Variants in CCDC178 observed in about 807,000 individuals in gnomAD.
The protein encoded by CCDC178 is coiled-coil domain containing 178.
A neutral mutation model predicts 117.4 loss-of-function variants in CCDC178; 126 were observed. The observed-to-expected ratio is 1.07, with a 90% CI of 0.93 to 1.24. The LOEUF (loss-of-function observed/expected upper bound fraction) is 1.24, where lower values mean the gene tolerates loss of function less well. Ranked by LOEUF, CCDC178 falls within the 50% of genes most tolerant of loss-of-function variation. The pLI is 0.00. For missense variants in CCDC178, 1,030 were observed against 986.9 expected (o/e 1.04, Z -0.59); for synonymous variants, 283 against 313.4 (o/e 0.90, Z 1.02).
chr18:32,997,605 T>C (rs777626259), intron 21 of CCDC178, among the ~76,000 whole-genome samples: 4 of 150,678 alleles, frequency 2.7e-5, no homozygotes, highest in Non-Finnish European at 5.9e-5. Context: ...ATAAAGTGTA[T>C]GTGTGTGTGT....
chr18:33,269,059 C>A (rs1036009873), intron 12 of CCDC178, among the ~76,000 whole-genome samples: 5 of 151,570 alleles, frequency 3.3e-5, no homozygotes, highest in African/African-American at 1.2e-4. Flanking sequence ...GCCTCGTTCT[C>A]AAAAAAATTG....
rs148591523 is a variant in CCDC178 at position 33,260,054 on chromosome 18, C to CAT, written c.1409+6860_1409+6861dup. Among the ~76,000 whole-genome samples the CAT allele has an allele frequency of 5.5e-3, 833 of 150,660 alleles. 9 individuals carry two copies. The highest frequency in any genetic ancestry group is 6.9e-3 in the Middle Eastern group (2 of 290). On this transcript the variant is annotated intron_variant, in intron 14 of 22. Coordinates refer to ENST00000383096, the MANE Select transcript of CCDC178 (RefSeq NM_001105528.4). The stretch of plus-strand genomic sequence containing the variant: ...ACCCTCATTCAGAAAAAAAAATACA[C>CAT]ATATATATATATATTACACATGGCC...
Position 33,035,498 on chromosome 18 carries a change from T to A in CCDC178, c.2388+57263A>T, listed in dbSNP as rs113390014. On this transcript the variant is annotated intron_variant, in intron 21 of 22. Transcript: ENST00000383096. ...TGAATCTTGAAAACATTATGCTAAG[T>A]GAAATAAGCCAGATTAAAATAAACA... Among the ~76,000 whole-genome samples, 292 of 152,068 alleles carry A rather than the reference T, an allele frequency of 1.9e-3. 4 individuals are homozygous for A. Among genetic ancestry groups the A allele is most frequent in the African/African-American group, 6.7e-3 (280 of 41,528 alleles).
At chr18:32,991,042 A>T (rs1357299821) in intron 21 of CCDC178, among the ~76,000 whole-genome samples, 1 of 151,590 alleles carries the variant, frequency 6.6e-6, no homozygotes, top group Non-Finnish European at 1.5e-5. Context: ...TTATTATTTA[A>T]TGAGCATTTG....
chr18:32,968,636 C>T (rs554764181), intron 22 of CCDC178, among the ~76,000 whole-genome samples: 53 of 151,958 alleles, frequency 3.5e-4, no homozygotes, highest in African/African-American at 1.2e-3. Flanking sequence ...TTAGATTTAT[C>T]GTATATATTC....
intron 20 of CCDC178, among the ~76,000 whole-genome samples, chr18:33,183,995 G>C (rs2058761199): frequency 1.3e-5 from 2 of 151,982 alleles, no homozygotes; most frequent in South Asian, 4.1e-4. Context: ...GTTTACTCTA[G>C]CCCAGAATCA....
chr18:33,325,683 C>T (rs1358548627), intron 10 of CCDC178, among the ~76,000 whole-genome samples: 2 of 151,806 alleles, frequency 1.3e-5, no homozygotes, highest in African/African-American at 2.4e-5. Flanking sequence ...TTTGAGTTTC[C>T]CTTTGATACT....
intron 10 of CCDC178, among the ~76,000 whole-genome samples, chr18:33,324,098 C>G (rs2062554102): frequency 1.3e-5 from 2 of 151,770 alleles, no homozygotes. Flanking sequence ...AGTTTTTACT[C>G]TTTTTACTAA....
Position 33,355,316 on chromosome 18 carries a change from T to A in CCDC178, c.371+1008A>T, listed in dbSNP as rs1450194252. The stretch of plus-strand genomic sequence containing the variant: ...TGGCTGTATTATTTGTCATGTGTAA[T>A]CACTGAAATCTGTTTCCTTAGCTTA... On this transcript the variant is annotated intron_variant, in intron 7 of 22. Transcript: ENST00000383096. 3.3e-5 allele frequency among the ~76,000 whole-genome samples: 5 copies of A among 152,262 alleles called. No individual in the cohort carries two copies. The East Asian group carries it at 9.6e-4, about 29-fold the overall frequency.
intron 9 of CCDC178, among the ~76,000 whole-genome samples, chr18:33,342,167 GA>G (rs1299814463): frequency 6.6e-6 from 1 of 151,582 alleles, no homozygotes; most frequent in Middle Eastern, 3.2e-3. Flanking sequence ...GAAATATGTT[GA>G]AACCATAGAA....
At chr18:33,231,547 G>C (rs1056413373) in intron 15 of CCDC178, among the ~76,000 whole-genome samples, 1 of 152,176 alleles carries the variant, frequency 6.6e-6, no homozygotes, top group Admixed American at 6.6e-5. Context: ...TGATAATGGA[G>C]GTGGATCCTG....
intron 20 of CCDC178, among the ~76,000 whole-genome samples, chr18:33,173,966 T>C (rs1310984965): frequency 1.3e-5 from 2 of 152,182 alleles, no homozygotes; most frequent in African/African-American, 4.8e-5. Flanking sequence ...ACGGAGAAGT[T>C]GTGTTAGGCC....
At chr18:33,432,117 A>G (rs1373402799) in intron 2 of CCDC178, among the ~76,000 whole-genome samples, 1 of 152,208 alleles carries the variant, frequency 6.6e-6, no homozygotes, top group Non-Finnish European at 1.5e-5. Flanking sequence ...GTGATCTATG[A>G]GATCCATGAA....
At chr18:33,194,545 G>A (rs2058901759) in intron 20 of CCDC178, among the ~76,000 whole-genome samples, 2 of 152,198 alleles carry the variant, frequency 1.3e-5, no homozygotes, top group Admixed American at 1.3e-4. Flanking sequence ...CACCACACTC[G>A]CTTTTTCCCC....
intron 3 of CCDC178, among the ~76,000 whole-genome samples, chr18:33,401,275 C>T (rs1032437256): frequency 6.6e-6 from 1 of 152,080 alleles, no homozygotes; most frequent in African/African-American, 2.4e-5. Flanking sequence ...AAAAATGCTG[C>T]CCATAGACTT....
chr18:33,000,661 CA>C (rs1287368839), intron 21 of CCDC178, among the ~76,000 whole-genome samples: 1 of 152,094 alleles, frequency 6.6e-6, no homozygotes, highest in Non-Finnish European at 1.5e-5. Context: ...ACTTACAAGC[CA>C]GGTGACATAT....
chr18:32,976,222 A>G (rs2036873240), intron 21 of CCDC178, among the ~76,000 whole-genome samples: 1 of 152,138 alleles, frequency 6.6e-6, no homozygotes, highest in African/African-American at 2.4e-5. Context: ...CAAACTTAAA[A>G]AAAATTGTGT....
chr18:33,342,352 G>T, intron 9 of CCDC178, among the ~76,000 whole-genome samples: 1 of 152,142 alleles, frequency 6.6e-6, no homozygotes, highest in East Asian at 1.9e-4. Context: ...TAAGAAACAA[G>T]ACATGATATA....
chr18:33,265,862 C>T (rs987925707), intron 14 of CCDC178, among the ~76,000 whole-genome samples: 6 of 151,992 alleles, frequency 3.9e-5, no homozygotes, highest in African/African-American at 1.4e-4. Flanking sequence ...TCATGCCAGA[C>T]ATGACGATAG....
Sources: gnomAD v4.1 joint callset for allele counts (sites outside exome capture counted in the v4.1 genomes callset) on GRCh38, gnomAD v4.1.1 for gene constraint, MANE v1.5 for transcripts, NCBI Gene and HGNC (gene_info 2026-07-23, HGNC 2026-07-21) for gene names.